VIPR2: variants seen among roughly 807,000 people sequenced by gnomAD.
The protein encoded by VIPR2 is vasoactive intestinal peptide receptor 2, also known as vasoactive intestinal polypeptide receptor 2.
VIPR2 carries 48 observed loss-of-function variants against 58.0 expected under a neutral mutation model. The observed-to-expected ratio is 0.83, with a 90% CI of 0.66 to 1.05. VIPR2 has a LOEUF of 1.05. Ranked by LOEUF, VIPR2 falls within the 50% of genes least tolerant of loss-of-function variation. The pLI is 0.00. For missense variants in VIPR2, 534 were observed against 558.0 expected, an observed-to-expected ratio of 0.96 and a Z score of 0.43; for synonymous variants, 243 against 235.2, an observed-to-expected ratio of 1.03 and a Z score of -0.30.
intron 4 of VIPR2, among the ~76,000 whole-genome samples, chr7:159,065,433 C>T (rs1229913749): frequency 2.0e-5 from 3 of 152,144 alleles, no homozygotes; most frequent in Admixed American, 1.3e-4. Flanking sequence ...GCCAGGGTTC[C>T]GGCTTCCCGT....
At chr7:159,073,702 C>G (rs955219918) in intron 4 of VIPR2, among the ~76,000 whole-genome samples, 1 of 152,092 alleles carries the variant, frequency 6.6e-6, no homozygotes, top group Non-Finnish European at 1.5e-5. Context: ...AGCCACCGTG[C>G]TCAGCCTATC....
chr7:159,142,340 T>TTC (rs1585580409), intron 2 of VIPR2, 106 bp downstream of exon 2: 1 of 779,906 alleles, frequency 1.3e-6, no homozygotes, highest in Non-Finnish European at 2.1e-6. Context: ...TCTTTTTCTT[T>TTC]TTTTTTTTTT....
At chr7:159,105,412 G>A (rs1858586455) in intron 3 of VIPR2, among the ~76,000 whole-genome samples, 1 of 152,236 alleles carries the variant, frequency 6.6e-6, no homozygotes, top group Admixed American at 6.5e-5. Flanking sequence ...CTGCAAGACA[G>A]ACTTGGTGGG....
intron 2 of VIPR2, among the ~76,000 whole-genome samples, chr7:159,129,809 C>T (rs1796818011): frequency 8.4e-6 from 1 of 119,122 alleles, no homozygotes; most frequent in Non-Finnish European, 1.7e-5. Flanking sequence ...AGGTGACCAG[C>T]TTCACACTCT....
At chr7:159,083,345 G>T (rs79006524) in intron 4 of VIPR2, among the ~76,000 whole-genome samples, 2,038 of 152,276 alleles carry the variant, frequency 0.013, 26 homozygotes, top group Admixed American at 0.029. Flanking sequence ...AGTCCCATTT[G>T]CGAGGAATCT....
chr7:159,101,156 AC>A (rs1858199445), intron 4 of VIPR2, among the ~76,000 whole-genome samples: 2 of 126,012 alleles, frequency 1.6e-5, no homozygotes, highest in Non-Finnish European at 3.2e-5. Context: ...ATGAGATCCG[AC>A]GAGGCCGTTC....
chr7:159,062,506 C>T (rs951072224), intron 4 of VIPR2, among the ~76,000 whole-genome samples: 8 of 152,190 alleles, frequency 5.3e-5, no homozygotes, highest in African/African-American at 1.7e-4. Flanking sequence ...AGTGTTACAG[C>T]TCTTAAGGCG....
rs200052492 is a variant in VIPR2, at chr7:159,089,698, AAAC to A, written c.357+14056_357+14058del. 1.2e-4 allele frequency among the ~76,000 whole-genome samples: 18 copies of A among 152,232 alleles called. No individual in the cohort carries two copies. In the East Asian group the frequency reaches 2.1e-3, roughly 18 times the overall value. ...TACAACTCAGGTTTCTCCACTTGTA[AAAC>A]AACAACAACAACAACAGCAAAAACC... is the stretch of plus-strand genomic sequence containing the variant. On this transcript the variant is annotated intron_variant, in intron 4 of 12. Coordinates refer to ENST00000262178, the MANE Select transcript of VIPR2 (RefSeq NM_003382.5).
intron 7 of VIPR2, 136 bp downstream of exon 7, chr7:159,036,615 TG>T: frequency 8.6e-7 from 1 of 1,158,164 alleles, no homozygotes; most frequent in Non-Finnish European, 1.2e-6. Flanking sequence ...CCAGTCATCC[TG>T]GAAGAGCTCT....
At chr7:159,036,693 C>T (rs1853980619) in intron 7 of VIPR2, 59 bp downstream of exon 7, 11 of 1,544,702 alleles carry the variant, frequency 7.1e-6, no homozygotes, top group Middle Eastern at 1.7e-4. Context: ...AAAATGTTTG[C>T]GTTGTTTGGT....
At chr7:159,133,936 A>T (rs192452024) in intron 2 of VIPR2, among the ~76,000 whole-genome samples, 1 of 152,344 alleles carries the variant, frequency 6.6e-6, no homozygotes, top group Non-Finnish European at 1.5e-5. Flanking sequence ...TATTCCTGTT[A>T]AAAAATTTGT....
At chr7:159,087,095 T>C (rs182092927) in intron 4 of VIPR2, among the ~76,000 whole-genome samples, 31 of 151,968 alleles carry the variant, frequency 2.0e-4, no homozygotes, top group African/African-American at 7.0e-4. Flanking sequence ...GCCAGGACTC[T>C]GATAGTGAGA....
At position 159,102,117 on chromosome 7, in the gene VIPR2, C is replaced by T. The variant is rs1288406785; in HGVS notation, c.357+1640G>A. Among the ~76,000 whole-genome samples the T allele has an allele frequency of 3.1e-5, 4 of 128,122 alleles. No individual in the cohort carries two copies. In the South Asian group the frequency reaches 7.7e-4, roughly 25 times the overall value. The allele number at this position is 128,122 out of a possible 152,430, so 84.1% of individuals were successfully genotyped here. ...GGTAGTGAACTGGTCTCACGAGATC[C>T]GACAAGGCCGTTCCCCCGACTGTTC... On this transcript the variant is annotated intron_variant, in intron 4 of 12. Transcript: ENST00000262178.
At chr7:159,041,235 C>T (rs986617194) in intron 6 of VIPR2, among the ~76,000 whole-genome samples, 1 of 152,230 alleles carries the variant, frequency 6.6e-6, no homozygotes, top group Non-Finnish European at 1.5e-5. Flanking sequence ...CCAGGCCCTC[C>T]CGGTGGGGCA....
In VIPR2 at chr7:159,028,890, G is replaced by T. The variant is rs896386777; in HGVS notation, c.*1726C>A. ...ACCTGTCTCCCCAAACCAACCTCGG[G>T]TTCATTCTCCCAGAAGTCCAGGGAT... On this transcript the variant is annotated 3_prime_UTR_variant, in exon 13 of 13. Transcript: ENST00000262178. 6.5e-5 allele frequency: 10 copies of T among 152,786 alleles called. No individual in the cohort carries two copies. Among genetic ancestry groups the T allele is most frequent in the African/African-American group, 2.4e-4 (10 of 41,486 alleles). 9.5% of individuals were successfully genotyped at this position (152,786 alleles called of 1,614,324 possible). A position where few individuals can be genotyped will look rare whatever the true frequency, so the allele number is the denominator to read the frequency against.
At chr7:159,105,008 A>G (rs991520450) in intron 3 of VIPR2, among the ~76,000 whole-genome samples, 1 of 152,234 alleles carries the variant, frequency 6.6e-6, no homozygotes, top group Non-Finnish European at 1.5e-5. Flanking sequence ...TTACAGTTTA[A>G]TTGTAGGAAA....
At chr7:159,120,294 A>C (rs1796408358) in intron 2 of VIPR2, among the ~76,000 whole-genome samples, 2 of 152,164 alleles carry the variant, frequency 1.3e-5, no homozygotes, top group African/African-American at 4.8e-5. Context: ...AAGAGCAGGC[A>C]AGGATGCCTG....
rs1347608630 is a variant in VIPR2, at chr7:159,097,086, C to T, written c.357+6671G>A. ...TGGCACCCTGGGAGGCTGGTGTGTCCTTGCAGGGTTGCAGGAGGGTTGGCG... is the reference window on the plus strand; with the variant it reads ...TGGCACCCTGGGAGGCTGGTGTGTCTTTGCAGGGTTGCAGGAGGGTTGGCG... On this transcript the variant is annotated intron_variant, in intron 4 of 12. Transcript: ENST00000262178. This position sits in a 1 kb window ranked among gnomAD's most constrained non-coding sequence, Gnocchi z 5.3. The T allele has an allele frequency of 6.5e-7, 1 of 1,529,108 alleles. No individual in the cohort carries two copies. The highest frequency in any genetic ancestry group is 2.5e-5 in the East Asian group (1 of 40,568). 94.7% of individuals were successfully genotyped at this position (1,529,108 alleles called of 1,614,324 possible).
chr7:159,132,831 G>GACAGAATGATTGGCATACAGATTGATTTT (rs1796996212), intron 2 of VIPR2, among the ~76,000 whole-genome samples: 6 of 40,464 alleles, frequency 1.5e-4, no homozygotes, highest in Admixed American at 6.9e-4. Flanking sequence ...CGATTGATTT[G>GACAGAATGATTGGCATACAGATTGATTTT]AGACAGAATG....
Sources: gnomAD v4.1 joint callset for allele counts (sites outside exome capture counted in the v4.1 genomes callset) on GRCh38, gnomAD v4.1.1 for gene constraint, Gnocchi (gnomAD v3.1) non-coding constraint, MANE v1.5 for transcripts, NCBI Gene and HGNC (gene_info 2026-07-23, HGNC 2026-07-21) for gene names.